The following RIC1 variants were observed in gnomAD, a reference collection of about 807,000 sequenced individuals.
The protein encoded by RIC1 is RIC1 partner of RAB6A GEF complex, also known as guanine nucleotide exchange factor subunit RIC1.
A neutral mutation model predicts 169.0 loss-of-function variants in RIC1; 88 were observed. That is an observed-to-expected ratio of 0.52 (90% confidence interval 0.44 to 0.62). The LOEUF is 0.62. Among genes scored for constraint, RIC1 ranks in the 20% least tolerant of loss-of-function variants. RIC1 has a pLI of 0.00. For missense variants in RIC1, 1,877 were observed against 1,725.5 expected (o/e 1.09, Z -1.56); for synonymous variants, 790 against 601.5 (o/e 1.31, Z -4.59).
Position 5,647,980 on chromosome 9 carries a change from G to GTGGTGATGA in RIC1, c.145-8598_145-8597insATGATGGTG, listed in dbSNP as rs1189265303. 7.8e-5 allele frequency among the ~76,000 whole-genome samples: 10 copies of GTGGTGATGA among 127,418 alleles called. No individual in the cohort carries two copies. In the East Asian group the frequency reaches 1.7e-3, roughly 21 times the overall value. The allele number at this position is 127,418 out of a possible 152,430, so 83.6% of individuals were successfully genotyped here. ...GGTGGTGGTGGTGGTGGTGATGGTG[G>GTGGTGATGA]TGGTGGTGGTGGTAGTGGTAGTGGT... On this transcript the variant is annotated intron_variant, in intron 1 of 25. Transcript: ENST00000414202.
intron 2 of RIC1, among the ~76,000 whole-genome samples, chr9:5,658,990 A>T (rs1359774516): frequency 6.6e-6 from 1 of 152,092 alleles, no homozygotes; most frequent in Non-Finnish European, 1.5e-5. Context: ...GCATTAATAG[A>T]TGAAAATTTG....
chr9:5,758,808 A>C (rs1826165116), intron 17 of RIC1, among the ~76,000 whole-genome samples: 1 of 138,582 alleles, frequency 7.2e-6, no homozygotes, highest in East Asian at 2.1e-4. Context: ...GCAGTGGTGC[A>C]ATCTTGGCTC....
At chr9:5,751,364 G>C (rs1825713485) in intron 12 of RIC1, among the ~76,000 whole-genome samples, 1 of 151,662 alleles carries the variant, frequency 6.6e-6, no homozygotes, top group Admixed American at 6.6e-5. Flanking sequence ...TTGGGGGTCT[G>C]GGGGGCAGGG....
chr9:5,668,175 C>T (rs559061828), intron 2 of RIC1, among the ~76,000 whole-genome samples: 5 of 152,212 alleles, frequency 3.3e-5, no homozygotes, highest in East Asian at 1.9e-4. Context: ...CTCATTATCA[C>T]GAGAACACCG....
Position 5,660,051 on chromosome 9 carries a change from T to G in RIC1, c.252+3361T>G, listed in dbSNP as rs137929299. 4.4e-4 allele frequency among the ~76,000 whole-genome samples: 67 copies of G among 152,266 alleles called. 1 individual carries two copies. The East Asian group carries it at 0.012, about 28-fold the overall frequency. The stretch of plus-strand genomic sequence containing the variant: ...ACCCCAGTGTATGTTGTTTCCCCCA[T>G]GTGTCCATATGTTCTCATCATTCAG... On this transcript the variant is annotated intron_variant, in intron 2 of 25. Coordinates refer to ENST00000414202, the MANE Select transcript of RIC1 (RefSeq NM_020829.4).
rs562133435 is a variant in RIC1, at chr9:5,661,365, G to A, written c.252+4675G>A. Among the ~76,000 whole-genome samples the A allele has an allele frequency of 5.9e-5, 9 of 152,206 alleles. No individual in the cohort carries two copies. In the East Asian group the frequency reaches 7.7e-4, roughly 13 times the overall value. On this transcript the variant is annotated intron_variant, in intron 2 of 25. Coordinates refer to ENST00000414202, the MANE Select transcript of RIC1 (RefSeq NM_020829.4). ...TTTAAAATAGCTTTTTTCTAATTCC[G>A]TGAAGAATGTCAGTGGTAGTTTAAT...
In RIC1 at chr9:5,743,752, TA is replaced by T; in HGVS notation, c.1095+21del. 3 of 1,587,030 alleles carry T rather than the reference TA, an allele frequency of 1.9e-6. No homozygotes were observed. Among genetic ancestry groups the T allele is most frequent in the Admixed American group, 1.7e-5 (1 of 57,308 alleles). On this transcript the variant is annotated intron_variant, in intron 10 of 25. Transcript: ENST00000414202. ...TCAACTCTATGGTAAGTACTTTCTA[TA>T]AAAAATTGGCATGGTATTAAAAAAA...
chr9:5,766,075 T>G (rs1363074966), intron 21 of RIC1, among the ~76,000 whole-genome samples: 1 of 152,180 alleles, frequency 6.6e-6, no homozygotes, highest in African/African-American at 2.4e-5. Context: ...AGAGTCTCAC[T>G]CTGTCACCCA....
At chr9:5,720,861 A>G (rs941017703) in intron 6 of RIC1, 111 bp downstream of exon 6, 5 of 999,392 alleles carry the variant, frequency 5.0e-6, no homozygotes, top group Non-Finnish European at 7.2e-6. Context: ...AGGGTTGTTA[A>G]TTTTTTAATC....
At chr9:5,767,650 T>C (rs1264229379) in intron 21 of RIC1, among the ~76,000 whole-genome samples, 1 of 152,194 alleles carries the variant, frequency 6.6e-6, no homozygotes, top group Non-Finnish European at 1.5e-5. Context: ...TGCAATGGCT[T>C]GATCTCGGCT....
chr9:5,720,558 A>C, intron 5 of RIC1, 56 bp from the exon 6 acceptor site: 5 of 1,489,704 alleles, frequency 3.4e-6, no homozygotes, highest in Non-Finnish European at 4.5e-6. Context: ...GCAAAAAGTG[A>C]GAGAGTAATT....
chr9:5,660,039 T>C (rs570770471), intron 2 of RIC1, among the ~76,000 whole-genome samples: 1 of 152,280 alleles, frequency 6.6e-6, no homozygotes, highest in African/African-American at 2.4e-5. Flanking sequence ...CCAGTGTATG[T>C]TGTTTCCCCC....
intron 1 of RIC1, among the ~76,000 whole-genome samples, chr9:5,655,922 A>G (rs554697158): frequency 6.6e-6 from 1 of 151,966 alleles, no homozygotes; most frequent in Non-Finnish European, 1.5e-5. Flanking sequence ...GCTGGAGTGC[A>G]GTGTTGTTGT....
chr9:5,730,241 A>G lies in RIC1; in HGVS notation c.721-2147A>G, dbSNP rs146266994. Among the ~76,000 whole-genome samples the G allele has an allele frequency of 6.6e-5, 10 of 152,272 alleles. No individual in the cohort carries two copies. In the East Asian group the frequency reaches 1.7e-3, roughly 26 times the overall value. On this transcript the variant is annotated intron_variant, in intron 6 of 25. Transcript: ENST00000414202. The stretch of plus-strand genomic sequence containing the variant: ...TAGATTATTAGGACAGAACCTCCTG[A>G]GGACTAAAAGAGCTGGAGAAAAAAT...
chr9:5,736,813 G>A (rs1824737901), intron 7 of RIC1, among the ~76,000 whole-genome samples: 1 of 151,612 alleles, frequency 6.6e-6, no homozygotes, highest in Non-Finnish European at 1.5e-5. Context: ...ATGGAACACA[G>A]AAAAAAAAGA....
In RIC1 at chr9:5,770,197, C is replaced by T. The variant is rs551954937; in HGVS notation, c.3535C>T (p.Pro1179Ser). Residue 1179 changes from proline (P) to serine (S), a missense_variant, in exon 23 of 26, where the codon CCC becomes TCC. Pro to Ser is a moderately conservative substitution (Grantham distance 74, BLOSUM62 -1). Transcript: ENST00000414202. ...RSQSWLSNIG[P>S]THHEIDTASS... ...TCAGAGCTGGCTCAGCAACATTGGCCCCACCCATCATGAGATAGACACAGC... is the reference window on the plus strand; with the variant it reads ...TCAGAGCTGGCTCAGCAACATTGGCTCCACCCATCATGAGATAGACACAGC... 1 of 1,613,934 alleles carries T rather than the reference C, an allele frequency of 6.2e-7. No individual in the cohort carries two copies. Among genetic ancestry groups the T allele is most frequent in the East Asian group, 2.2e-5 (1 of 44,872 alleles).
At chr9:5,671,180 C>T (rs1429757692) in intron 2 of RIC1, among the ~76,000 whole-genome samples, 2 of 151,932 alleles carry the variant, frequency 1.3e-5, no homozygotes, top group African/African-American at 4.8e-5. Context: ...TCTTGCTAAA[C>T]AGATGATACA....
intron 1 of RIC1, among the ~76,000 whole-genome samples, chr9:5,656,191 T>C (rs1364516525): frequency 2.6e-5 from 4 of 152,134 alleles, no homozygotes; most frequent in Non-Finnish European, 5.9e-5. Flanking sequence ...TTTCATGTAA[T>C]ATCCTTTTCT....
intron 6 of RIC1, among the ~76,000 whole-genome samples, chr9:5,721,512 C>T (rs928370944): frequency 2.0e-5 from 3 of 152,206 alleles, no homozygotes; most frequent in African/African-American, 7.2e-5. Context: ...TGAACTTAAC[C>T]CCATTCTCCT....
Sources: gnomAD v4.1 joint callset for allele counts (sites outside exome capture counted in the v4.1 genomes callset) on GRCh38, gnomAD v4.1.1 for gene constraint, MANE v1.5 for transcripts, NCBI Gene and HGNC (gene_info 2026-07-23, HGNC 2026-07-21) for gene names.